Variants in FAT3 observed in about 807,000 individuals in gnomAD.
The protein encoded by FAT3 is FAT atypical cadherin 3.
A neutral mutation model predicts 310.2 loss-of-function variants in FAT3; 95 were observed. The observed-to-expected ratio is 0.31, with a 90% CI of 0.26 to 0.36. The LOEUF is 0.36. Among genes scored for constraint, FAT3 ranks in the 10% least tolerant of loss-of-function variants. The pLI is 1.00. For synonymous variants in FAT3, 2,314 were observed against 2,192.9 expected, an observed-to-expected ratio of 1.06 and a Z score of -1.54; for missense variants, 5,408 against 5,715.6, an observed-to-expected ratio of 0.95 and a Z score of 1.74.
At chr11:92,869,062 G>A (rs999177948) in intron 22 of FAT3, among the ~76,000 whole-genome samples, 1 of 152,150 alleles carries the variant, frequency 6.6e-6, no homozygotes, top group African/African-American at 2.4e-5. Context: ...CTGTGATTGG[G>A]CATTGGATCA....
At position 92,352,594 on chromosome 11, in the gene FAT3, C is replaced by A; in HGVS notation, c.482C>A (p.Thr161Lys). 6.2e-7 allele frequency: 1 copy of A among 1,613,842 alleles called. No individual in the cohort carries two copies. Among genetic ancestry groups the A allele is most frequent in the Non-Finnish European group, 8.5e-7 (1 of 1,179,858 alleles). ...GATCTGAGACCTTTGTTTTCACCCA[C>A]AACATACTCTGTTACCATAGCAGAA... ...MNDLRPLFSP[T>K]TYSVTIAEST... Residue 161 changes from threonine (T) to lysine (K), a missense_variant, in exon 2 of 28, where the codon ACA becomes AAA. By Grantham distance (78) the Thr-to-Lys change is moderately conservative. Around this residue, in one of 5 missense-constraint regions of FAT3, gnomAD observed 5 missense variants for 16.9 expected, o/e 0.30. Coordinates refer to ENST00000525166, the MANE Select transcript of FAT3 (RefSeq NM_001367949.2).
chr11:92,676,563 C>T (rs543362102), intron 3 of FAT3, among the ~76,000 whole-genome samples: 49 of 152,184 alleles, frequency 3.2e-4, no homozygotes, highest in African/African-American at 1.1e-3. Flanking sequence ...ACCTGGTGCC[C>T]GGCCTGAAAC....
At chr11:92,613,032 A>C (rs1430298391) in intron 3 of FAT3, among the ~76,000 whole-genome samples, 1 of 152,138 alleles carries the variant, frequency 6.6e-6, no homozygotes, top group African/African-American at 2.4e-5. Flanking sequence ...TTCTTTTTCT[A>C]CCTCACTGAA....
intron 2 of FAT3, among the ~76,000 whole-genome samples, chr11:92,427,292 T>C (rs1377461695): frequency 6.6e-6 from 1 of 152,214 alleles, no homozygotes; most frequent in Non-Finnish European, 1.5e-5. Flanking sequence ...TGGAGTTTTC[T>C]AAATATACAA....
chr11:92,486,135 T>TC (rs1952385740), intron 2 of FAT3, among the ~76,000 whole-genome samples: 2 of 120,948 alleles, frequency 1.7e-5, no homozygotes, highest in Non-Finnish European at 3.4e-5. Flanking sequence ...CTGGGGTTTT[T>TC]TTTTTTTTTT....
intron 1 of FAT3, among the ~76,000 whole-genome samples, chr11:92,314,856 T>C (rs771966229): frequency 1.3e-4 from 20 of 152,126 alleles, no homozygotes; most frequent in Non-Finnish European, 1.9e-4. Context: ...CCTTTTAAAG[T>C]AGAACCATTT....
chr11:92,443,975 A>G (rs1951146330), intron 2 of FAT3, among the ~76,000 whole-genome samples: 1 of 152,196 alleles, frequency 6.6e-6, no homozygotes, highest in East Asian at 1.9e-4. Context: ...ACAAGTGAGG[A>G]AACTCAGTTT....
intron 1 of FAT3, among the ~76,000 whole-genome samples, chr11:92,305,741 A>AT (rs1163944921): frequency 6.6e-6 from 1 of 152,142 alleles, no homozygotes; most frequent in Non-Finnish European, 1.5e-5. Context: ...AGTCTGCAAA[A>AT]TTGCCAGCTA....
chr11:92,838,184 T>C (rs774611306), intron 17 of FAT3, among the ~76,000 whole-genome samples: 2 of 152,186 alleles, frequency 1.3e-5, no homozygotes, highest in African/African-American at 2.4e-5. Context: ...TGGGGCTGTC[T>C]TCTGCAAAAG....
intron 4 of FAT3, among the ~76,000 whole-genome samples, chr11:92,700,892 G>T (rs572842926): frequency 6.6e-6 from 1 of 152,030 alleles, no homozygotes; most frequent in Non-Finnish European, 1.5e-5. Flanking sequence ...TGCTGCAGGA[G>T]TTTGAACATT....
intron 3 of FAT3, among the ~76,000 whole-genome samples, chr11:92,644,645 A>G (rs1406007794): frequency 1.3e-5 from 2 of 152,316 alleles, no homozygotes; most frequent in East Asian, 3.9e-4. Flanking sequence ...TTTGCAATAC[A>G]GAGATGTTAC....
At chr11:92,433,965 G>A (rs556914051) in intron 2 of FAT3, among the ~76,000 whole-genome samples, 121 of 150,756 alleles carry the variant, frequency 8.0e-4, no homozygotes, top group African/African-American at 2.8e-3. Flanking sequence ...GCAGTAAGCC[G>A]AGATTGCGCC....
rs1864084524 is a variant in FAT3, at chr11:92,229,584, GA to G, written c.-18+4415del. Among the ~76,000 whole-genome samples, 3 of 123,632 alleles carry G rather than the reference GA, an allele frequency of 2.4e-5. No individual in the cohort carries two copies. In the South Asian group the frequency reaches 8.6e-4, roughly 35 times the overall value. The allele number at this position is 123,632 out of a possible 152,430, so 81.1% of individuals were successfully genotyped here. A position where few individuals can be genotyped will look rare whatever the true frequency, so the allele number is the denominator to read the frequency against. Reference sequence around the variant, plus strand: ...TTTTCAGGAAAGACTGCCTTTCCTTGAAAAAGAAATTCAGCTTAATGACACA... The same window carrying G: ...TTTTCAGGAAAGACTGCCTTTCCTTGAAAAGAAATTCAGCTTAATGACACA... On this transcript the variant is annotated intron_variant, in intron 1 of 27. Coordinates refer to ENST00000525166, the MANE Select transcript of FAT3 (RefSeq NM_001367949.2).
rs753428058 is a variant in FAT3, at chr11:92,799,312, G to C, written c.6299G>C (p.Gly2100Ala). ...GCTGTTCAAGTGGATGCGGAACCCG[G>C]GACTCTGATTTATCAGGTGACAGCC... is the stretch of plus-strand genomic sequence containing the variant. ...YAAVQVDAEP[G>A]TLIYQVTAID... Residue 2100 changes from glycine (G) to alanine (A), a missense_variant, in exon 10 of 28, where the codon GGG becomes GCG. Physicochemically the swap from Gly to Ala is moderately conservative, Grantham distance 60. Transcript: ENST00000525166. The C allele has an allele frequency of 5.6e-6, 9 of 1,613,850 alleles. No homozygotes were observed. The South Asian group carries it at 9.9e-5, about 18-fold the overall frequency.
Position 92,562,911 on chromosome 11 carries a change from C to T in FAT3, c.3607+37963C>T, listed in dbSNP as rs184433887. Among the ~76,000 whole-genome samples, 6 of 152,330 alleles carry T rather than the reference C, an allele frequency of 3.9e-5. No individual in the cohort carries two copies. The East Asian group carries it at 1.2e-3, about 29-fold the overall frequency. On this transcript the variant is annotated intron_variant, in intron 3 of 27. Coordinates refer to ENST00000525166, the MANE Select transcript of FAT3 (RefSeq NM_001367949.2). ...AGTCTACTAATTAAAACGCTAATCT[C>T]TTCTAGAAACACCCTCACAGACACA...
Position 92,800,082 on chromosome 11 carries a change from G to T in FAT3, c.7069G>T (p.Val2357Leu), listed in dbSNP as rs1481886848. 1.9e-6 allele frequency: 3 copies of T among 1,613,980 alleles called. No individual in the cohort carries two copies. The Admixed American group carries it at 5.0e-5, about 27-fold the overall frequency. The stretch of plus-strand genomic sequence containing the variant: ...AGCACGAATGCTGGACCATGAGTTA[G>T]TACAACACTGCACTTTGAAAGTCAG... ...LTARMLDHEL[V>L]QHCTLKVRSI... The change falls in exon 10 of 28, where the codon GTA (valine) becomes TTA (leucine). Residue 2357 changes from valine (V) to leucine (L), a missense_variant. Val to Leu is a conservative substitution (Grantham distance 32). Around this residue, in one of 5 missense-constraint regions of FAT3, gnomAD observed 4,588 missense variants for 4,809.8 expected, o/e 0.95. Coordinates refer to ENST00000525166, the MANE Select transcript of FAT3 (RefSeq NM_001367949.2).
At chr11:92,236,717 T>C (rs536622186) in intron 1 of FAT3, among the ~76,000 whole-genome samples, 188 of 152,210 alleles carry the variant, frequency 1.2e-3, no homozygotes, top group Non-Finnish European at 1.6e-3. Context: ...TTGGAGTCTA[T>C]ATCCCTGAAT....
chr11:92,296,675 C>T (rs1045264164), intron 1 of FAT3, among the ~76,000 whole-genome samples: 9 of 152,048 alleles, frequency 5.9e-5, no homozygotes, highest in African/African-American at 2.2e-4. Flanking sequence ...TGTCTCAAAG[C>T]ACTGTGAAAA....
chr11:92,486,742 T>C (rs765509401), intron 2 of FAT3, among the ~76,000 whole-genome samples: 2 of 152,204 alleles, frequency 1.3e-5, no homozygotes, highest in Non-Finnish European at 2.9e-5. Context: ...AAAAGCCCAT[T>C]CAAATGATTT....
Sources: allele counts gnomAD v4.1 joint callset (sites outside exome capture counted in the v4.1 genomes callset), GRCh38; gene constraint gnomAD v4.1.1; regional missense constraint gnomAD v4.1.1; transcripts MANE v1.5; gene names NCBI Gene and HGNC (gene_info 2026-07-23, HGNC 2026-07-21).